SF3B1: variants seen among roughly 807,000 people sequenced by gnomAD.
SF3B1 encodes pre-mRNA processing 10.
A neutral mutation model predicts 153.8 loss-of-function variants in SF3B1; 12 were observed. That is an observed-to-expected ratio of 0.08 (90% CI 0.05 to 0.13). SF3B1 has a LOEUF of 0.13. Ranked by LOEUF, SF3B1 falls within the 10% of genes least tolerant of loss-of-function variation. The probability of loss-of-function intolerance (pLI) is 1.00; values close to 1 mark genes in which losing one functional copy is unlikely to be tolerated. For missense variants in SF3B1, 513 were observed against 1,606.1 expected, an observed-to-expected ratio of 0.32 and a Z score of 11.63; for synonymous variants, 498 against 525.2, an observed-to-expected ratio of 0.95 and a Z score of 0.71.
chr2:197,396,602 T>C (rs2084877067), intron 22 of SF3B1, among the ~76,000 whole-genome samples: 1 of 152,222 alleles, frequency 6.6e-6, no homozygotes, highest in Admixed American at 6.5e-5. Context: ...AATTTTCAAA[T>C]GTAATTTTCA....
At chr2:197,392,612 A>G in intron 24 of SF3B1, 151 bp from the exon 25 acceptor site, 2 of 576,230 alleles carry the variant, frequency 3.5e-6, no homozygotes, top group East Asian at 2.9e-5. Flanking sequence ...CTTAAGCTGC[A>G]ATGGAAGAGA....
At chr2:197,410,666 G>C (rs576274513) in intron 6 of SF3B1, among the ~76,000 whole-genome samples, 1 of 151,302 alleles carries the variant, frequency 6.6e-6, no homozygotes, top group African/African-American at 2.4e-5. Context: ...CCACCACGCC[G>C]GGCTAATTTT....
chr2:197,415,781 TAAGA>T (rs1209649517), intron 6 of SF3B1, among the ~76,000 whole-genome samples: 1 of 152,116 alleles, frequency 6.6e-6, no homozygotes, highest in African/African-American at 2.4e-5. Flanking sequence ...AATACATTTC[TAAGA>T]AAGATTTTAC....
At chr2:197,410,730 T>C (rs1353685396) in intron 6 of SF3B1, among the ~76,000 whole-genome samples, 1 of 152,072 alleles carries the variant, frequency 6.6e-6, no homozygotes, top group East Asian at 1.9e-4. Flanking sequence ...GGTCTCGAAC[T>C]CCTGACCTCG....
At chr2:197,394,900 G>A (rs1395790276) in intron 23 of SF3B1, among the ~76,000 whole-genome samples, 5 of 150,132 alleles carry the variant, frequency 3.3e-5, no homozygotes, top group African/African-American at 7.3e-5. Flanking sequence ...GCAAAACTCC[G>A]TCCAAAAAAA....
At position 197,398,158 on chromosome 2, in the gene SF3B1, A is replaced by G. The variant is rs200180872; in HGVS notation, c.3135-42T>C. 1.4e-5 allele frequency: 22 copies of G among 1,525,504 alleles called. No homozygotes were observed. The African/African-American group carries it at 2.2e-4, about 15-fold the overall frequency. 94.5% of individuals were successfully genotyped at this position (1,525,504 alleles called of 1,614,324 possible). A position where few individuals can be genotyped will look rare whatever the true frequency, so the allele number is the denominator to read the frequency against. ...ACATATTAATTATTGTGACATTAAGAAAAGTTTTAAGGATAAATTTGCAAA... is the reference window on the plus strand; with the variant it reads ...ACATATTAATTATTGTGACATTAAGGAAAGTTTTAAGGATAAATTTGCAAA... On this transcript the variant is annotated intron_variant, in intron 21 of 24. Transcript: ENST00000335508.
At chr2:197,407,335 T>A (rs1316534223) in intron 9 of SF3B1, among the ~76,000 whole-genome samples, 1 of 152,144 alleles carries the variant, frequency 6.6e-6, no homozygotes, top group Admixed American at 6.5e-5. Flanking sequence ...CCAGGCACGG[T>A]AACTCACGCC....
chr2:197,410,726 G>A (rs964097050), intron 6 of SF3B1, among the ~76,000 whole-genome samples: 39 of 151,894 alleles, frequency 2.6e-4, no homozygotes, highest in African/African-American at 8.7e-4. Flanking sequence ...GGCTGGTCTC[G>A]AACTCCTGAC....
rs1006175036 is a variant in SF3B1 at position 197,390,322 on chromosome 2, A to C, written c.*1981T>G. 2 of 152,252 alleles carry C rather than the reference A, an allele frequency of 1.3e-5. No individual in the cohort carries two copies. Among genetic ancestry groups the C allele is most frequent in the African/African-American group, 4.8e-5 (2 of 41,466 alleles). The allele number at this position is 152,252 out of a possible 1,614,324, so 9.4% of individuals were successfully genotyped here. A position where few individuals can be genotyped will look rare whatever the true frequency, so the allele number is the denominator to read the frequency against. ...ACTAAGTACTTGAATTGAAAATACA[A>C]CTAAAATTTCCTGAGTCATTTAACA... On this transcript the variant is annotated 3_prime_UTR_variant, in exon 25 of 25. Transcript: ENST00000335508.
intron 4 of SF3B1, chr2:197,419,480 A>C (rs2085207073): frequency 4.6e-6 from 1 of 218,562 alleles, no homozygotes; most frequent in East Asian, 6.8e-5. Flanking sequence ...ATAAAATTCT[A>C]AGACATTTCC....
rs1279105125 is a variant in SF3B1, at chr2:197,392,437, C to T, written c.3781G>A (p.Val1261Ile). 2 of 1,607,152 alleles carry T rather than the reference C, an allele frequency of 1.2e-6. No homozygotes were observed. The highest frequency in any genetic ancestry group is 2.7e-5 in the African/African-American group (2 of 74,610). The change falls in exon 25 of 25, where the codon GTC becomes ATC. Residue 1261 changes from valine (V) to isoleucine (I), a missense_variant. Physicochemically the swap from Val to Ile is conservative, Grantham distance 29 (BLOSUM62 3). This residue lies in a region of SF3B1 where 27 missense variants were observed against 126.1 expected (regional missense o/e 0.21). Transcript: ENST00000335508. ...LQGLFHPARK[V>I]RDVYWKIYNS... ...TAAATTTTCCAATATACATCTCTGA[C>T]TTTCCGGGCTGGGTGAAACAGACCC...
chr2:197,399,461 C>CTAA, intron 20 of SF3B1, among the ~76,000 whole-genome samples: 1 of 152,242 alleles, frequency 6.6e-6, no homozygotes, highest in East Asian at 1.9e-4. Context: ...TTTCTTCATA[C>CTAA]TGCCCTAATG....
At position 197,389,908 on chromosome 2, in the gene SF3B1, TGGCCCACAGAAAAACCAACAAA is replaced by T. The variant is rs766629832; in HGVS notation, c.*2373_*2394del. 4 of 152,156 alleles carry T rather than the reference TGGCCCACAGAAAAACCAACAAA, an allele frequency of 2.6e-5. No homozygotes were observed. The highest frequency in any genetic ancestry group is 4.4e-5 in the Non-Finnish European group (3 of 68,036). 9.4% of individuals were successfully genotyped at this position (152,156 alleles called of 1,614,324 possible). On this transcript the variant is annotated 3_prime_UTR_variant, in exon 25 of 25. Coordinates refer to ENST00000335508, the MANE Select transcript of SF3B1 (RefSeq NM_012433.4). ...AGAGATCAATTCCATTAGAGGGCGA[TGGCCCACAGAAAAACCAACAAA>T]GGCCCACAGAAAAACCCACCCTGTC...
chr2:197,403,744 A>G lies in SF3B1; in HGVS notation c.1560T>C (p.Thr520=), dbSNP rs772275974. ...PMRKAALRQI[T]DKAREFGAGP... ...CAGCTCCAAATTCACGAGCTTTATC[A>G]GTAATCTGACGCAATGCAGCCTGGG... The change falls in exon 12 of 25, where the codon ACT becomes ACC. Residue 520 remains threonine, a synonymous_variant. Transcript: ENST00000335508. The G allele has an allele frequency of 6.3e-7, 1 of 1,592,596 alleles. No homozygotes were observed. Among genetic ancestry groups the G allele is most frequent in the South Asian group, 1.2e-5 (1 of 86,272 alleles).
At chr2:197,407,914 C>A in intron 9 of SF3B1, 84 bp downstream of exon 9, 1 of 1,277,332 alleles carries the variant, frequency 7.8e-7, no homozygotes, top group South Asian at 1.3e-5. Flanking sequence ...TTGGGCAAAG[C>A]CAATGCAAGC....
intron 1 of SF3B1, among the ~76,000 whole-genome samples, chr2:197,431,104 C>CTTTTTTTT (rs558644461): frequency 1.1e-4 from 8 of 73,708 alleles, no homozygotes; most frequent in East Asian, 4.1e-4. Context: ...GCCTTTTCTT[C>CTTTTTTTT]TTTTTTTTTT....
At chr2:197,429,677 G>A (rs770007147) in intron 1 of SF3B1, among the ~76,000 whole-genome samples, 1 of 151,962 alleles carries the variant, frequency 6.6e-6, no homozygotes, top group Non-Finnish European at 1.5e-5. Flanking sequence ...CCAGCTACTC[G>A]GGAGGCTGAG....
chr2:197,398,592 G>A lies in SF3B1; in HGVS notation c.3014-11C>T, dbSNP rs775652255. The stretch of plus-strand genomic sequence containing the variant: ...TCATCTTATGCATACCTATTTAATA[G>A]AAGTCAATAAACTATCAACATTTGA... On this transcript the variant is annotated splice_polypyrimidine_tract_variant and intron_variant, in intron 20 of 24. Coordinates refer to ENST00000335508, the MANE Select transcript of SF3B1 (RefSeq NM_012433.4). The A allele has an allele frequency of 9.3e-6, 15 of 1,609,218 alleles. No homozygotes were observed. The Admixed American group carries it at 2.6e-4, about 27-fold the overall frequency.
chr2:197,428,607 C>CTA (rs2085371617), intron 1 of SF3B1, among the ~76,000 whole-genome samples: 1 of 152,080 alleles, frequency 6.6e-6, no homozygotes, highest in African/African-American at 2.4e-5. Flanking sequence ...AACTGCTTGG[C>CTA]AACTGGCTGA....
Sources: allele counts gnomAD v4.1 joint callset (sites outside exome capture counted in the v4.1 genomes callset), GRCh38; gene constraint gnomAD v4.1.1; regional missense constraint gnomAD v4.1.1; transcripts MANE v1.5; gene names NCBI Gene and HGNC (gene_info 2026-07-23, HGNC 2026-07-21).